The following STAU2 variants were observed in gnomAD, a reference collection of about 807,000 sequenced individuals.
STAU2 encodes staufen double-stranded RNA binding protein 2.
A neutral mutation model predicts 65.9 loss-of-function variants in STAU2; 20 were observed. The observed-to-expected ratio is 0.30, with a 90% CI of 0.21 to 0.44. The LOEUF (loss-of-function observed/expected upper bound fraction) is 0.44, where lower values mean the gene tolerates loss of function less well. Among genes scored for constraint, STAU2 ranks in the 20% least tolerant of loss-of-function variants. STAU2 has a pLI of 1.00. For missense variants in STAU2, 558 were observed against 683.9 expected (o/e 0.82, Z 2.05); for synonymous variants, 232 against 233.9 (o/e 0.99, Z 0.07).
At chr8:73,730,543 A>T (rs1385695684) in intron 3 of STAU2, among the ~76,000 whole-genome samples, 2 of 152,096 alleles carry the variant, frequency 1.3e-5, no homozygotes, top group African/African-American at 4.8e-5. Flanking sequence ...TCTGGCCAAC[A>T]TGGCAAAACC....
intron 6 of STAU2, among the ~76,000 whole-genome samples, chr8:73,646,684 C>G (rs1373602492): frequency 6.6e-6 from 1 of 151,918 alleles, no homozygotes; most frequent in Non-Finnish European, 1.5e-5. Flanking sequence ...AGACTTGATA[C>G]CCAAAGCACA....
At chr8:73,541,357 A>C (rs1806530044) in intron 13 of STAU2, among the ~76,000 whole-genome samples, 1 of 152,218 alleles carries the variant, frequency 6.6e-6, no homozygotes, top group East Asian at 1.9e-4. Flanking sequence ...TGCTGCAGTT[A>C]TAAGGTAGAA....
rs928930589 is a variant in STAU2 at position 73,709,127 on chromosome 8, T to C, written c.19A>G (p.Lys7Glu). The C allele has an allele frequency of 3.9e-6, 6 of 1,531,482 alleles. No individual in the cohort carries two copies. The highest frequency in any genetic ancestry group is 5.2e-6 in the Non-Finnish European group (6 of 1,143,808). The allele number at this position is 1,531,482 out of a possible 1,614,324, so 94.9% of individuals were successfully genotyped here. A position where few individuals can be genotyped will look rare whatever the true frequency, so the allele number is the denominator to read the frequency against. The change falls in exon 4 of 15, where the codon AAA (lysine) becomes GAA (glutamate). Residue 7 changes from lysine (K) to glutamate (E), a missense_variant. Physicochemically the swap from Lys to Glu is moderately conservative, Grantham distance 56. This residue lies in a region of STAU2 where 112 missense variants were observed against 114.2 expected (regional missense o/e 0.98). Coordinates refer to ENST00000524300, the MANE Select transcript of STAU2 (RefSeq NM_001164380.2). MANPKEKTAMCLVNELA... is the reference protein window; with the variant it reads MANPKEETAMCLVNELA... ...TCATTTACCAGACACATTGCAGTTT[T>C]CTCTTTTGGGTTTGCCATTTTATCT...
intron 4 of STAU2, among the ~76,000 whole-genome samples, chr8:73,693,461 T>C (rs1409719806): frequency 7.4e-6 from 1 of 135,684 alleles, no homozygotes; most frequent in Non-Finnish European, 1.6e-5. Flanking sequence ...GGCGAAAGAG[T>C]GAGACTCCGT....
intron 12 of STAU2, among the ~76,000 whole-genome samples, chr8:73,572,861 C>T (rs566072451): frequency 6.6e-6 from 1 of 152,302 alleles, no homozygotes; most frequent in South Asian, 2.1e-4. Flanking sequence ...CCTCTCTCAC[C>T]ACTCCTATTC....
intron 4 of STAU2, among the ~76,000 whole-genome samples, chr8:73,690,328 C>CAAAAAAAAAAAAAAAAA (rs56744849): frequency 1.0e-4 from 6 of 58,242 alleles, no homozygotes; most frequent in African/African-American, 2.0e-4. Flanking sequence ...GACTCTGTCT[C>CAAAAAAAAAAAAAAAAA]AAAAAAAAAA....
At chr8:73,487,787 C>G (rs1017324894) in intron 13 of STAU2, among the ~76,000 whole-genome samples, 1 of 151,814 alleles carries the variant, frequency 6.6e-6, no homozygotes, top group Non-Finnish European at 1.5e-5. Context: ...AAAAGAAAAC[C>G]AAAATTTGGG....
At chr8:73,627,240 C>T (rs1196786616) in intron 6 of STAU2, among the ~76,000 whole-genome samples, 2 of 24,802 alleles carry the variant, frequency 8.1e-5, no homozygotes, top group African/African-American at 3.0e-4. Flanking sequence ...GGCAGGAGGG[C>T]GGGTTCCCTG....
intron 12 of STAU2, among the ~76,000 whole-genome samples, chr8:73,570,042 C>T (rs1409858298): frequency 6.6e-6 from 1 of 152,098 alleles, no homozygotes; most frequent in African/African-American, 2.4e-5. Context: ...ATGTTCAAAC[C>T]CATTGCAAAG....
intron 12 of STAU2, among the ~76,000 whole-genome samples, chr8:73,581,482 A>G (rs1220337325): frequency 6.6e-6 from 1 of 152,220 alleles, no homozygotes. Flanking sequence ...ATCAACATTC[A>G]TTACGTGCTT....
intron 5 of STAU2, among the ~76,000 whole-genome samples, chr8:73,678,381 C>T (rs1818164197): frequency 6.6e-6 from 1 of 151,982 alleles, no homozygotes; most frequent in Non-Finnish European, 1.5e-5. Context: ...TTTTTTTTTA[C>T]CAAATCCATT....
intron 6 of STAU2, among the ~76,000 whole-genome samples, chr8:73,631,317 C>A (rs1339110961): frequency 1.3e-5 from 2 of 151,054 alleles, no homozygotes; most frequent in African/African-American, 4.9e-5. Flanking sequence ...ATCAAATGTA[C>A]CCTTGCGGTT....
chr8:73,580,483 T>C (rs1400707444), intron 12 of STAU2, among the ~76,000 whole-genome samples: 2 of 152,218 alleles, frequency 1.3e-5, no homozygotes, highest in African/African-American at 4.8e-5. Context: ...AGATCCCTGC[T>C]CTAACCTTTG....
At chr8:73,646,628 A>T (rs569283630) in intron 6 of STAU2, among the ~76,000 whole-genome samples, 1 of 152,158 alleles carries the variant, frequency 6.6e-6, no homozygotes, top group Non-Finnish European at 1.5e-5. Flanking sequence ...TTTAAAAGAA[A>T]ACCTAGGAGA....
At chr8:73,543,712 G>A (rs973048127) in intron 13 of STAU2, among the ~76,000 whole-genome samples, 2 of 152,154 alleles carry the variant, frequency 1.3e-5, no homozygotes, top group South Asian at 4.1e-4. Flanking sequence ...GTGCCAAGTC[G>A]TGTACCTGGT....
intron 3 of STAU2, among the ~76,000 whole-genome samples, chr8:73,720,247 G>A (rs558377882): frequency 7.0e-6 from 1 of 143,314 alleles, no homozygotes; most frequent in East Asian, 2.2e-4. Flanking sequence ...CTCCAGCCTG[G>A]GCGACAGAGT....
intron 12 of STAU2, 38 bp from the exon 13 acceptor site, chr8:73,552,357 A>C: frequency 6.5e-7 from 1 of 1,530,752 alleles, no homozygotes; most frequent in South Asian, 1.3e-5. Flanking sequence ...TTACACTTAA[A>C]ATAACCGAAA....
intron 9 of STAU2, among the ~76,000 whole-genome samples, chr8:73,611,657 GATGATTATTATT>G (rs1006846124): frequency 4.0e-5 from 6 of 150,178 alleles, no homozygotes; most frequent in African/African-American, 1.5e-4. Context: ...AGTTTATTAT[GATGATTATTATT>G]ATGATTATTA....
intron 13 of STAU2, among the ~76,000 whole-genome samples, chr8:73,436,077 G>A (rs1451780884): frequency 6.6e-6 from 1 of 151,896 alleles, no homozygotes; most frequent in African/African-American, 2.4e-5. Context: ...ATTTCATTTT[G>A]GTTTGAGTAA....
Sources: allele counts gnomAD v4.1 joint callset (sites outside exome capture counted in the v4.1 genomes callset), GRCh38; gene constraint gnomAD v4.1.1; regional missense constraint gnomAD v4.1.1; transcripts MANE v1.5; gene names NCBI Gene and HGNC (gene_info 2026-07-23, HGNC 2026-07-21).